Variants in WWOX observed in about 807,000 individuals in gnomAD.
WWOX encodes WW domain containing oxidoreductase, also known as WW domain-containing oxidoreductase.
WWOX carries 69 observed loss-of-function variants against 46.2 expected under a neutral mutation model. The observed-to-expected ratio is 1.49, with a 90% CI of 1.23 to 1.82. WWOX has a LOEUF of 1.82. Among genes scored for constraint, WWOX ranks in the 40% most tolerant of loss-of-function variants. WWOX has a pLI of 0.00. For missense variants in WWOX, 919 were observed against 542.6 expected (o/e 1.69, Z -6.89); for synonymous variants, 359 against 202.6 (o/e 1.77, Z -6.56).
intron 8 of WWOX, among the ~76,000 whole-genome samples, chr16:78,853,568 A>T (rs1349437445): frequency 6.6e-6 from 1 of 152,176 alleles, no homozygotes; most frequent in Non-Finnish European, 1.5e-5. Flanking sequence ...AATCTTCTTG[A>T]CCATGAGGCA....
chr16:78,455,858 T>G (rs1199233669), intron 8 of WWOX, among the ~76,000 whole-genome samples: 1 of 151,922 alleles, frequency 6.6e-6, no homozygotes, highest in African/African-American at 2.4e-5. Flanking sequence ...TGAGCAGTGA[T>G]GATGAGATTT....
At chr16:78,620,355 G>T (rs2046146840) in intron 8 of WWOX, among the ~76,000 whole-genome samples, 1 of 152,162 alleles carries the variant, frequency 6.6e-6, no homozygotes, top group Non-Finnish European at 1.5e-5. Context: ...TATCAATCAG[G>T]TGCTTAGGTT....
chr16:78,494,124 T>A (rs1012541951), intron 8 of WWOX, among the ~76,000 whole-genome samples: 1 of 152,166 alleles, frequency 6.6e-6, no homozygotes, highest in African/African-American at 2.4e-5. Flanking sequence ...TGTCTTCACA[T>A]GGCTGGCAGT....
intron 8 of WWOX, among the ~76,000 whole-genome samples, chr16:79,162,480 G>A (rs908161925): frequency 1.3e-5 from 2 of 152,142 alleles, no homozygotes; most frequent in East Asian, 3.9e-4. Flanking sequence ...TGCCACTGGT[G>A]TTCCTCTAGT....
intron 8 of WWOX, among the ~76,000 whole-genome samples, chr16:79,009,208 G>T (rs1360677210): frequency 1.3e-5 from 2 of 152,218 alleles, no homozygotes; most frequent in Admixed American, 1.3e-4. Context: ...GCAGGAAGAT[G>T]ATGTGAATGC....
chr16:78,338,791 G>C (rs557327399), intron 5 of WWOX, among the ~76,000 whole-genome samples: 3 of 119,574 alleles, frequency 2.5e-5, no homozygotes, highest in East Asian at 3.9e-4. Flanking sequence ...TTTATGTTTT[G>C]CTATGCCATT....
intron 8 of WWOX, among the ~76,000 whole-genome samples, chr16:78,674,881 T>C (rs540528128): frequency 1.3e-5 from 2 of 151,736 alleles, no homozygotes; most frequent in South Asian, 2.1e-4. Context: ...CAGTATACAA[T>C]GTGGTCTTTG....
intron 5 of WWOX, among the ~76,000 whole-genome samples, chr16:78,314,487 A>G (rs1597471262): frequency 6.9e-6 from 1 of 145,844 alleles, no homozygotes. Flanking sequence ...TACAGCAACC[A>G]CCAAGTCCAC....
intron 8 of WWOX, among the ~76,000 whole-genome samples, chr16:78,649,803 A>G (rs2046925651): frequency 6.6e-6 from 1 of 152,214 alleles, no homozygotes; most frequent in African/African-American, 2.4e-5. Context: ...TAAATACTCA[A>G]AGCCTTGATT....
intron 8 of WWOX, among the ~76,000 whole-genome samples, chr16:79,024,028 T>C (rs1159191370): frequency 1.3e-5 from 2 of 152,092 alleles, no homozygotes; most frequent in South Asian, 2.1e-4. Flanking sequence ...TGTGAATCTG[T>C]GTATACAAAG....
At chr16:78,363,588 T>G (rs1317778145) in intron 5 of WWOX, among the ~76,000 whole-genome samples, 3 of 152,104 alleles carry the variant, frequency 2.0e-5, no homozygotes, top group Non-Finnish European at 4.4e-5. Flanking sequence ...CAGTTTTAAC[T>G]CAGAATGATT....
rs201970084 is a variant in WWOX at position 79,211,683 on chromosome 16, A to C, written c.1132A>C (p.Asn378His). Residue 378 changes from asparagine (N) to histidine (H), a missense_variant, in exon 9 of 9, where the codon AAC becomes CAC. Transcript: ENST00000566780. ...LEGLGGMYFN[N>H]CCRCMPSPEA... is the part of the protein sequence containing the mutation. ...GGGTCTGGGAGGGATGTACTTCAAC[A>C]ACTGCTGCCGCTGCATGCCCTCACC... 3.7e-6 allele frequency: 6 copies of C among 1,614,184 alleles called. No homozygotes were observed.
chr16:78,110,233 G>A (rs369212438), intron 3 of WWOX, among the ~76,000 whole-genome samples: 2 of 151,504 alleles, frequency 1.3e-5, no homozygotes, highest in Non-Finnish European at 2.9e-5. Flanking sequence ...CCTGCTACTC[G>A]GGAGGGTAAG....
chr16:78,953,442 G>T (rs2046103055), intron 8 of WWOX, among the ~76,000 whole-genome samples: 1 of 150,934 alleles, frequency 6.6e-6, no homozygotes, highest in African/African-American at 2.5e-5. Context: ...TTCATCAACA[G>T]TCCCTTTAGG....
At chr16:79,129,810 A>C (rs546767816) in intron 8 of WWOX, among the ~76,000 whole-genome samples, 5 of 152,164 alleles carry the variant, frequency 3.3e-5, no homozygotes, top group East Asian at 3.9e-4. Flanking sequence ...CAAAGAGCTC[A>C]TGGACCAGTC....
chr16:78,998,699 C>G (rs78687668), intron 8 of WWOX, among the ~76,000 whole-genome samples: 1,965 of 152,302 alleles, frequency 0.013, 47 homozygotes, highest in African/African-American at 0.045. Context: ...AGGACTCTTT[C>G]ATTATCGTTA....
chr16:78,110,686 G>A (rs2090089994), intron 3 of WWOX, among the ~76,000 whole-genome samples: 1 of 152,126 alleles, frequency 6.6e-6, no homozygotes, highest in African/African-American at 2.4e-5. Flanking sequence ...GCATGAGCCA[G>A]GCCTGATTCT....
chr16:78,496,268 C>T (rs1434395821), intron 8 of WWOX: 1 of 152,156 alleles, frequency 6.6e-6, no homozygotes, highest in Admixed American at 6.5e-5. Flanking sequence ...TTTTCATTTT[C>T]CCGTTGCTTA....
intron 8 of WWOX, among the ~76,000 whole-genome samples, chr16:78,943,683 G>A (rs1241594326): frequency 1.3e-5 from 2 of 152,202 alleles, no homozygotes; most frequent in African/African-American, 2.4e-5. Flanking sequence ...CACTGGAAAA[G>A]TAGCAGGGTG....
Sources: gnomAD v4.1 joint callset for allele counts (sites outside exome capture counted in the v4.1 genomes callset) on GRCh38, gnomAD v4.1.1 for gene constraint, MANE v1.5 for transcripts, NCBI Gene and HGNC (gene_info 2026-07-23, HGNC 2026-07-21) for gene names.